NRG3: variants seen among roughly 807,000 people sequenced by gnomAD.
NRG3 encodes the protein neuregulin 3.
NRG3 carries 31 observed loss-of-function variants against 66.9 expected under a neutral mutation model. The observed-to-expected ratio is 0.46, with a 90% CI of 0.35 to 0.63. NRG3 has a LOEUF of 0.63. NRG3 is among the 20% of genes least tolerant of loss of function. The pLI is 0.00. For synonymous variants in NRG3, 393 were observed against 359.4 expected (o/e 1.09, Z -1.06); for missense variants, 910 against 878.9 (o/e 1.04, Z -0.45).
intron 2 of NRG3, among the ~76,000 whole-genome samples, chr10:82,731,966 T>C (rs558627522): frequency 6.6e-6 from 1 of 152,294 alleles, no homozygotes; most frequent in Non-Finnish European, 1.5e-5. Context: ...CAATGTACTA[T>C]ATACCTAAAA....
intron 2 of NRG3, among the ~76,000 whole-genome samples, chr10:82,459,181 G>A (rs1398038482): frequency 6.6e-6 from 1 of 152,078 alleles, no homozygotes; most frequent in Admixed American, 6.6e-5. Context: ...GCATACTACC[G>A]TGAGCCACAT....
intron 2 of NRG3, among the ~76,000 whole-genome samples, chr10:82,578,455 GT>G (rs1357140938): frequency 1.3e-5 from 2 of 151,112 alleles, no homozygotes; most frequent in African/African-American, 4.8e-5. Flanking sequence ...GTATTGCTGT[GT>G]TACAATAAAA....
chr10:82,037,061 A>G (rs73314696), intron 1 of NRG3, among the ~76,000 whole-genome samples: 7,220 of 152,216 alleles, frequency 0.047, 571 homozygotes, highest in African/African-American at 0.16. Context: ...ATTTACTTTG[A>G]ATTCCAAGAT....
intron 2 of NRG3, among the ~76,000 whole-genome samples, chr10:82,447,690 C>G (rs1689119564): frequency 6.6e-6 from 1 of 152,236 alleles, no homozygotes; most frequent in South Asian, 2.1e-4. Context: ...TTGCATTCCT[C>G]TCTTAAGTAG....
At chr10:82,079,624 C>T (rs2065280787) in intron 1 of NRG3, among the ~76,000 whole-genome samples, 1 of 152,176 alleles carries the variant, frequency 6.6e-6, no homozygotes, top group South Asian at 2.1e-4. Flanking sequence ...TCTGTCTATT[C>T]ATCCCTCTCC....
chr10:82,190,677 G>A (rs1424244096), intron 1 of NRG3, among the ~76,000 whole-genome samples: 1 of 152,150 alleles, frequency 6.6e-6, no homozygotes, highest in Non-Finnish European at 1.5e-5. Context: ...CTGTGCCTCT[G>A]GGCCAGTGAG....
chr10:82,027,798 G>T (rs895249952), intron 1 of NRG3, among the ~76,000 whole-genome samples: 4 of 152,050 alleles, frequency 2.6e-5, no homozygotes, highest in African/African-American at 9.7e-5. Flanking sequence ...AACTGATAGA[G>T]GCTCCAACCA....
intron 1 of NRG3, among the ~76,000 whole-genome samples, chr10:82,110,429 A>C (rs188868733): frequency 1.3e-5 from 2 of 152,206 alleles, no homozygotes; most frequent in East Asian, 3.9e-4. Context: ...CCATTGGAGA[A>C]TCTTATGAGA....
At chr10:82,516,067 C>T (rs766265498) in intron 2 of NRG3, among the ~76,000 whole-genome samples, 1 of 152,048 alleles carries the variant, frequency 6.6e-6, no homozygotes, top group Non-Finnish European at 1.5e-5. Context: ...CTTGTATGGC[C>T]AATCACAATG....
intron 2 of NRG3, among the ~76,000 whole-genome samples, chr10:82,648,042 C>T (rs1319323688): frequency 6.7e-6 from 1 of 149,156 alleles, no homozygotes; most frequent in Non-Finnish European, 1.5e-5. Context: ...GCTTTTGTTG[C>T]CATTGCTTTT....
chr10:82,692,091 C>G (rs535112780), intron 2 of NRG3, among the ~76,000 whole-genome samples: 1 of 151,764 alleles, frequency 6.6e-6, no homozygotes, highest in Non-Finnish European at 1.5e-5. Context: ...GGCAAAACCC[C>G]CTCTCTACAA....
At chr10:82,817,155 C>CAGT (rs1009136923) in intron 3 of NRG3, among the ~76,000 whole-genome samples, 1 of 152,174 alleles carries the variant, frequency 6.6e-6, no homozygotes, top group African/African-American at 2.4e-5. Context: ...TTCAGCAATT[C>CAGT]TACTGATGGC....
chr10:82,077,689 C>T (rs532920260), intron 1 of NRG3, among the ~76,000 whole-genome samples: 2 of 152,262 alleles, frequency 1.3e-5, no homozygotes, highest in South Asian at 2.1e-4. Flanking sequence ...ATCTCATACA[C>T]GTCTTTCTAT....
intron 3 of NRG3, among the ~76,000 whole-genome samples, chr10:82,774,927 A>G (rs1225339117): frequency 1.4e-5 from 2 of 141,978 alleles, no homozygotes; most frequent in Admixed American, 1.5e-4. Flanking sequence ...GTTTCAAGCG[A>G]TTCTTGTGCA....
intron 2 of NRG3, among the ~76,000 whole-genome samples, chr10:82,428,411 T>G (rs1338537903): frequency 1.3e-5 from 2 of 151,934 alleles, no homozygotes; most frequent in African/African-American, 2.4e-5. Flanking sequence ...TGAAATGATT[T>G]CCTAATTCCC....
chr10:82,479,144 T>A (rs1463324699), intron 2 of NRG3, among the ~76,000 whole-genome samples: 2 of 152,142 alleles, frequency 1.3e-5, no homozygotes. Context: ...AATGTAAAAA[T>A]CAATCAGACT....
chr10:82,895,980 A>C (rs1843629464), intron 4 of NRG3, among the ~76,000 whole-genome samples: 1 of 152,210 alleles, frequency 6.6e-6, no homozygotes, highest in African/African-American at 2.4e-5. Flanking sequence ...TACTCAATGC[A>C]GTGGCTGAGA....
At chr10:82,929,231 GGAGGAATGGTATGAA>G (rs1212253557) in intron 4 of NRG3, among the ~76,000 whole-genome samples, 1 of 152,120 alleles carries the variant, frequency 6.6e-6, no homozygotes, top group African/African-American at 2.4e-5. Context: ...TGGTAGGGGT[GGAGGAATGGTATGAA>G]ACATGAAATA....
intron 3 of NRG3, among the ~76,000 whole-genome samples, chr10:82,753,592 T>C (rs2058960433): frequency 6.6e-6 from 1 of 152,052 alleles, no homozygotes; most frequent in African/African-American, 2.4e-5. Flanking sequence ...CTTTCTTTCT[T>C]TTATTCTTTT....
Sources: allele counts gnomAD v4.1 joint callset (sites outside exome capture counted in the v4.1 genomes callset), GRCh38; gene constraint gnomAD v4.1.1; transcripts MANE v1.5; gene names NCBI Gene and HGNC (gene_info 2026-07-23, HGNC 2026-07-21).